COP1: variants seen among roughly 807,000 people sequenced by gnomAD.
COP1 encodes the protein COP1 E3 ubiquitin ligase.
Under a neutral mutation model 101.3 loss-of-function variants are expected in COP1, and 24 were observed. The observed-to-expected ratio is 0.24, with a 90% CI of 0.17 to 0.33. COP1 has a LOEUF of 0.33. Among genes scored for constraint, COP1 ranks in the 10% least tolerant of loss-of-function variants. COP1 has a pLI of 1.00. For missense variants in COP1, 663 were observed against 906.2 expected (o/e 0.73, Z 3.45); for synonymous variants, 347 against 341.9 (o/e 1.01, Z -0.17).
intron 2 of COP1, among the ~76,000 whole-genome samples, chr1:176,178,693 C>T (rs529576731): frequency 2.0e-5 from 3 of 151,498 alleles, no homozygotes; most frequent in East Asian, 2.0e-4. Flanking sequence ...CTCTACTAAA[C>T]ATACAAAAAA....
chr1:175,968,737 G>A (rs1652625550), intron 18 of COP1, among the ~76,000 whole-genome samples: 1 of 152,194 alleles, frequency 6.6e-6, no homozygotes, highest in Non-Finnish European at 1.5e-5. Context: ...ACATACACAA[G>A]GGAAGAAGGA....
intron 11 of COP1, among the ~76,000 whole-genome samples, chr1:176,059,207 G>A (rs1168997502): frequency 1.3e-5 from 2 of 152,174 alleles, no homozygotes; most frequent in Non-Finnish European, 2.9e-5. Flanking sequence ...TGTGGTTAAT[G>A]TAATTCATCT....
At chr1:175,959,648 G>A (rs1651087841) in intron 18 of COP1, among the ~76,000 whole-genome samples, 1 of 152,036 alleles carries the variant, frequency 6.6e-6, no homozygotes, top group Admixed American at 6.5e-5. Context: ...GATCCCTTAA[G>A]GACTACCTAG....
chr1:176,009,266 AT>A (rs1458370198), intron 15 of COP1, among the ~76,000 whole-genome samples: 1 of 152,188 alleles, frequency 6.6e-6, no homozygotes, highest in Non-Finnish European at 1.5e-5. Context: ...ATCGACAGGT[AT>A]TTTCCCATGG....
intron 9 of COP1, among the ~76,000 whole-genome samples, 182 bp downstream of exon 9, chr1:176,116,442 A>C (rs1344152460): frequency 1.3e-5 from 2 of 152,256 alleles, no homozygotes; most frequent in African/African-American, 2.4e-5. Context: ...TTATCATTGA[A>C]AAAGCAAATA....
intron 15 of COP1, among the ~76,000 whole-genome samples, chr1:175,991,522 A>G (rs1252996531): frequency 6.6e-6 from 1 of 152,136 alleles, no homozygotes; most frequent in East Asian, 1.9e-4. Flanking sequence ...GCTACACTAA[A>G]TTTACTGTAA....
chr1:176,085,992 G>T, intron 9 of COP1, 102 bp from the exon 10 acceptor site: 1 of 555,474 alleles, frequency 1.8e-6, no homozygotes, highest in South Asian at 3.8e-5. Context: ...GTTCATCACA[G>T]TAAAATGATC....
rs112782508 is a variant in COP1, at chr1:176,195,327, C to T, written c.408-10635G>A. Among the ~76,000 whole-genome samples the T allele has an allele frequency of 6.0e-3, 917 of 152,182 alleles. 9 individuals are homozygous for T. The highest frequency in any genetic ancestry group is 0.021 in the African/African-American group (884 of 41,518). ...AAATCTGTGTAAGCTTCAAAATACA[C>T]GAAGCAAAAGCTGAGAAAACTAAAA... On this transcript the variant is annotated intron_variant, in intron 1 of 19. Transcript: ENST00000367669.
At chr1:176,194,419 C>T (rs1384518174) in intron 1 of COP1, among the ~76,000 whole-genome samples, 1 of 152,164 alleles carries the variant, frequency 6.6e-6, no homozygotes, top group Non-Finnish European at 1.5e-5. Context: ...GCAGGCGGAT[C>T]ACAAAGTCAG....
At chr1:176,190,050 C>G (rs148421420) in intron 1 of COP1, among the ~76,000 whole-genome samples, 1 of 152,114 alleles carries the variant, frequency 6.6e-6, no homozygotes, top group East Asian at 1.9e-4. Flanking sequence ...TTATAGGCAT[C>G]TGACTTTACA....
intron 11 of COP1, among the ~76,000 whole-genome samples, chr1:176,078,725 A>G (rs890862096): frequency 6.6e-6 from 1 of 152,124 alleles, no homozygotes; most frequent in African/African-American, 2.4e-5. Flanking sequence ...GGAATGGGTG[A>G]AAGTATTTGC....
At chr1:176,034,773 A>C (rs1669202286) in intron 14 of COP1, among the ~76,000 whole-genome samples, 1 of 152,212 alleles carries the variant, frequency 6.6e-6, no homozygotes, top group South Asian at 2.1e-4. Flanking sequence ...AAGATGACCC[A>C]AGTCCTAAAC....
Position 176,081,283 on chromosome 1 carries a change from G to C in COP1, c.1146C>G (p.Asp382Glu). ...FSTRMSRISD[D>E]SRTASQLDEF... ...CATCCAACTGGCTTGCAGTTCGACT[G>C]TCATCTATATGAAAAAAAAAAAAAA... The change falls in exon 11 of 20, where the codon GAC (aspartate) becomes GAG (glutamate). Residue 382 changes from aspartate (D) to glutamate (E), a missense_variant. Asp to Glu is a conservative substitution (Grantham distance 45). Transcript: ENST00000367669. 3 of 1,518,892 alleles carry C rather than the reference G, an allele frequency of 2.0e-6. No individual in the cohort carries two copies. The highest frequency in any genetic ancestry group is 2.7e-6 in the Non-Finnish European group (3 of 1,121,022). The allele number at this position is 1,518,892 out of a possible 1,614,324, so 94.1% of individuals were successfully genotyped here.
chr1:176,123,893 A>G (rs1687560746), intron 8 of COP1, among the ~76,000 whole-genome samples: 1 of 152,142 alleles, frequency 6.6e-6, no homozygotes, highest in Non-Finnish European at 1.5e-5. Flanking sequence ...CATATTTTCT[A>G]AAGTAGCATC....
At chr1:176,006,790 T>G (rs1343797536) in intron 15 of COP1, among the ~76,000 whole-genome samples, 1 of 152,144 alleles carries the variant, frequency 6.6e-6, no homozygotes, top group Non-Finnish European at 1.5e-5. Flanking sequence ...CATTTTTTCC[T>G]TCATTTCAAC....
chr1:175,951,391 AGTATAG>A lies in COP1; in HGVS notation c.2134-4158_2134-4153del, dbSNP rs1184034716. The stretch of plus-strand genomic sequence containing the variant: ...CTGATTTTAAATGTAAATTAATTTT[AGTATAG>A]GTATAAGTATATACAATGTATTTAA... On this transcript the variant is annotated intron_variant, in intron 18 of 19. Coordinates refer to ENST00000367669, the MANE Select transcript of COP1 (RefSeq NM_022457.7). 2.2e-3 allele frequency among the ~76,000 whole-genome samples: 324 copies of A among 146,682 alleles called. 2 individuals carry two copies. The highest frequency in any genetic ancestry group is 7.7e-3 in the African/African-American group (310 of 40,384).
intron 1 of COP1, among the ~76,000 whole-genome samples, chr1:176,200,621 T>C (rs1265124489): frequency 2.6e-5 from 4 of 152,200 alleles, no homozygotes; most frequent in African/African-American, 9.6e-5. Context: ...TCACTTTATA[T>C]AGAAACAGAG....
chr1:176,024,293 A>G (rs1466854836), intron 15 of COP1, among the ~76,000 whole-genome samples: 3 of 152,200 alleles, frequency 2.0e-5, no homozygotes, highest in African/African-American at 4.8e-5. Context: ...ATGAATATCC[A>G]TTACTAACAC....
chr1:176,049,949 A>C (rs1307428107), intron 11 of COP1, among the ~76,000 whole-genome samples: 1 of 152,222 alleles, frequency 6.6e-6, no homozygotes, highest in Non-Finnish European at 1.5e-5. Flanking sequence ...TTGCTTATGC[A>C]ATTAAATTCA....
Sources: gnomAD v4.1 joint callset for allele counts (sites outside exome capture counted in the v4.1 genomes callset) on GRCh38, gnomAD v4.1.1 for gene constraint, MANE v1.5 for transcripts, NCBI Gene and HGNC (gene_info 2026-07-23, HGNC 2026-07-21) for gene names.